ARID3B: variants seen among roughly 807,000 people sequenced by gnomAD.
ARID3B encodes the protein AT-rich interaction domain 3B.
ARID3B carries 10 observed loss-of-function variants against 51.9 expected under a neutral mutation model. The ratio of observed to expected loss-of-function variants is 0.19; its 90% CI spans 0.12 to 0.33. ARID3B has a LOEUF of 0.33. Among genes scored for constraint, ARID3B ranks in the 10% least tolerant of loss-of-function variants. The pLI is 1.00. For missense variants in ARID3B, 483 were observed against 716.3 expected (o/e 0.67, Z 3.72); for synonymous variants, 205 against 279.5 (o/e 0.73, Z 2.66).
intron 2 of ARID3B, among the ~76,000 whole-genome samples, chr15:74,548,699 G>A (rs2061624703): frequency 2.0e-5 from 3 of 152,138 alleles, no homozygotes; most frequent in Admixed American, 6.5e-5. Flanking sequence ...CCTCCAAGCC[G>A]CTTGGGGCAC....
At chr15:74,558,548 T>G (rs1378056081) in intron 2 of ARID3B, among the ~76,000 whole-genome samples, 1 of 152,162 alleles carries the variant, frequency 6.6e-6, no homozygotes, top group Non-Finnish European at 1.5e-5. Context: ...TTATGGAAAT[T>G]TCATACATAC....
At chr15:74,561,612 C>G (rs1458892221) in intron 2 of ARID3B, among the ~76,000 whole-genome samples, 1 of 152,194 alleles carries the variant, frequency 6.6e-6, no homozygotes, top group Non-Finnish European at 1.5e-5. Context: ...ACTTTGTAAC[C>G]AAGTCACTGG....
chr15:74,555,786 C>CTTTTTTTTT (rs869243539), intron 2 of ARID3B, among the ~76,000 whole-genome samples: 21 of 95,080 alleles, frequency 2.2e-4, no homozygotes, highest in African/African-American at 3.9e-4. Context: ...AGCTGTATTT[C>CTTTTTTTTT]TTTTTTTTTT....
At chr15:74,559,205 A>G (rs905396761) in intron 2 of ARID3B, among the ~76,000 whole-genome samples, 1 of 152,076 alleles carries the variant, frequency 6.6e-6, no homozygotes, top group Admixed American at 6.6e-5. Flanking sequence ...TTCTCCCTTG[A>G]GCCCTTCAGC....
intron 5 of ARID3B, 108 bp downstream of exon 5, chr15:74,590,111 T>G: frequency 7.7e-7 from 1 of 1,299,658 alleles, no homozygotes; most frequent in South Asian, 1.6e-5. Flanking sequence ...GCAAGATGAG[T>G]GGATTCCCGA....
At chr15:74,587,225 A>G (rs2061784875) in intron 4 of ARID3B, among the ~76,000 whole-genome samples, 1 of 152,224 alleles carries the variant, frequency 6.6e-6, no homozygotes, top group African/African-American at 2.4e-5. Context: ...AGTTGATCGT[A>G]TGGCTAAGAG....
At chr15:74,593,827 GC>G (rs2061813181) in intron 8 of ARID3B, among the ~76,000 whole-genome samples, 1 of 151,850 alleles carries the variant, frequency 6.6e-6, no homozygotes, top group Admixed American at 6.6e-5. Context: ...GACCACTTGA[GC>G]CCAGGAGTTT....
chr15:74,588,744 C>T (rs565760802), intron 4 of ARID3B, among the ~76,000 whole-genome samples: 10 of 152,166 alleles, frequency 6.6e-5, no homozygotes, highest in African/African-American at 2.4e-4. Flanking sequence ...TCATTAGTAG[C>T]CCTTCCTCCT....
At chr15:74,569,333 C>A (rs1225736206) in intron 2 of ARID3B, among the ~76,000 whole-genome samples, 4 of 151,934 alleles carry the variant, frequency 2.6e-5, no homozygotes, top group Admixed American at 2.6e-4. Context: ...ATCGGTGCTC[C>A]CTCTTCATTA....
intron 4 of ARID3B, among the ~76,000 whole-genome samples, chr15:74,580,887 G>A (rs2061759744): frequency 6.6e-6 from 1 of 152,214 alleles, no homozygotes; most frequent in Non-Finnish European, 1.5e-5. Flanking sequence ...TCTAGCTGAT[G>A]AACACAGGGT....
At chr15:74,571,198 A>G (rs1224946926) in intron 2 of ARID3B, among the ~76,000 whole-genome samples, 1 of 152,204 alleles carries the variant, frequency 6.6e-6, no homozygotes, top group Non-Finnish European at 1.5e-5. Flanking sequence ...TTGGCCCCAA[A>G]ATATAACTGC....
intron 2 of ARID3B, among the ~76,000 whole-genome samples, chr15:74,569,343 A>G (rs1349326831): frequency 6.6e-6 from 1 of 151,678 alleles, no homozygotes; most frequent in Non-Finnish European, 1.5e-5. Flanking sequence ...CCTCTTCATT[A>G]TTATTATTAT....
rs540341689 is a variant in ARID3B, at chr15:74,586,289, T to C, written c.698-3531T>C. On this transcript the variant is annotated intron_variant, in intron 4 of 8. Coordinates refer to ENST00000346246, the MANE Select transcript of ARID3B (RefSeq NM_006465.4). ...CCTCTGGGAAGAGATCACTTATTAG[T>C]TAGGTTACAACCTTGACTTCAGACA... Among the ~76,000 whole-genome samples the C allele has an allele frequency of 1.4e-3, 218 of 152,350 alleles. 2 individuals carry two copies. The highest frequency in any genetic ancestry group is 4.7e-3 in the African/African-American group (194 of 41,576).
intron 2 of ARID3B, among the ~76,000 whole-genome samples, chr15:74,544,876 G>A (rs1362500040): frequency 6.6e-6 from 1 of 151,990 alleles, no homozygotes; most frequent in African/African-American, 2.4e-5. Flanking sequence ...ATTTTTAGCA[G>A]AGACGGGGTT....
In ARID3B at chr15:74,544,760, G is replaced by A. The variant is rs183559639; in HGVS notation, c.552+272G>A. Among the ~76,000 whole-genome samples the A allele has an allele frequency of 3.2e-4, 47 of 145,138 alleles. No individual in the cohort carries two copies. The East Asian group carries it at 9.5e-3, about 29-fold the overall frequency. On this transcript the variant is annotated intron_variant, in intron 2 of 8. Transcript: ENST00000346246. ...AGCTGGAGTGCAGTGGCATGATCTC[G>A]GCTCACTGCAACCTCCATCTCCCAG...
chr15:74,561,410 G>A (rs998238761), intron 2 of ARID3B, among the ~76,000 whole-genome samples: 1 of 152,144 alleles, frequency 6.6e-6, no homozygotes, highest in Non-Finnish European at 1.5e-5. Context: ...TTCCCTTAAT[G>A]TCAGACATTT....
chr15:74,596,822 C>G lies in ARID3B; in HGVS notation c.*1048C>G, dbSNP rs11072494. The G allele has an allele frequency of 4.3e-6, 1 of 232,626 alleles. No individual in the cohort carries two copies. Among genetic ancestry groups the G allele is most frequent in the East Asian group, 6.0e-5 (1 of 16,554 alleles). 14.4% of individuals were successfully genotyped at this position (232,626 alleles called of 1,614,324 possible). A position where few individuals can be genotyped will look rare whatever the true frequency, so the allele number is the denominator to read the frequency against. ...TTTTTTTTTATTTTAAAATTTTTAT[C>G]GTAGCACCAAAGAAATGAAAACAGA... On this transcript the variant is annotated 3_prime_UTR_variant, in exon 9 of 9. Transcript: ENST00000346246.
At chr15:74,571,563 C>A (rs1243824985) in intron 2 of ARID3B, among the ~76,000 whole-genome samples, 1 of 152,184 alleles carries the variant, frequency 6.6e-6, no homozygotes, top group African/African-American at 2.4e-5. Context: ...GACTTTTTGA[C>A]CCCCCTGTAA....
chr15:74,559,699 T>C (rs79855514), intron 2 of ARID3B, among the ~76,000 whole-genome samples: 5,062 of 152,218 alleles, frequency 0.033, 300 homozygotes, highest in African/African-American at 0.12. Flanking sequence ...TTAGTGGTTT[T>C]ATTACTCTGC....
Sources: allele counts gnomAD v4.1 joint callset (sites outside exome capture counted in the v4.1 genomes callset), GRCh38; gene constraint gnomAD v4.1.1; transcripts MANE v1.5; gene names NCBI Gene and HGNC (gene_info 2026-07-23, HGNC 2026-07-21).